Variants in SEMA4G observed in about 807,000 individuals in gnomAD.
SEMA4G encodes semaphorin-4G.
Under a neutral mutation model 81.2 loss-of-function variants are expected in SEMA4G, and 59 were observed. The observed-to-expected ratio is 0.73, with a 90% CI of 0.59 to 0.90. The LOEUF (loss-of-function observed/expected upper bound fraction) is 0.90, where lower values mean the gene tolerates loss of function less well. Among genes scored for constraint, SEMA4G ranks in the 40% least tolerant of loss-of-function variants. The pLI, the probability that SEMA4G is intolerant of heterozygous loss-of-function variation, is 0.00. For missense variants in SEMA4G, 952 were observed against 1,102.3 expected, an observed-to-expected ratio of 0.86 and a Z score of 1.93; for synonymous variants, 404 against 433.9, an observed-to-expected ratio of 0.93 and a Z score of 0.86.
chr10:100,984,476 T>C, exon 14 of SEMA4G: 1 of 1,530,362 alleles, frequency 6.5e-7, no homozygotes, highest in Non-Finnish European at 8.7e-7. Flanking sequence ...CCAAACCCTT[T>C]CTCTTTCTCC....
chr10:100,980,551 T>C (rs1349546667), intron 10 of SEMA4G, 27 bp from the exon 12 acceptor site: 11 of 1,587,572 alleles, frequency 6.9e-6, no homozygotes, highest in Middle Eastern at 1.7e-4. Flanking sequence ...ATAGTTGGGG[T>C]CTAACTCTCT....
intron 3 of SEMA4G, among the ~76,000 whole-genome samples, chr10:100,976,020 G>A (rs191295772): frequency 1.3e-5 from 2 of 152,304 alleles, no homozygotes; most frequent in Admixed American, 6.5e-5. Context: ...GAAAAGCAGT[G>A]AGGAGGCTGG....
At chr10:100,972,874 C>G (rs1224898784) in exon 1 of SEMA4G, 1 of 1,577,230 alleles carries the variant, frequency 6.3e-7, no homozygotes, top group Non-Finnish European at 8.6e-7. Flanking sequence ...GACTCTGGCT[C>G]CCTTTGGGGG....
rs1056746530 is a variant in SEMA4G, at chr10:100,973,266, G to A, written c.262G>A (p.Ala88Thr). The A allele has an allele frequency of 6.2e-7, 1 of 1,612,980 alleles. No individual in the cohort carries two copies. Among genetic ancestry groups the A allele is most frequent in the Non-Finnish European group, 8.5e-7 (1 of 1,180,018 alleles). The change falls in exon 2 of 14, where the codon GCT becomes ACT. Residue 88 changes from alanine (A) to threonine (T), a missense_variant. Transcript: ENST00000370250. The surrounding 1 kb of genome is among the most constrained non-coding windows in gnomAD (Gnocchi z 5.5). ...CAGTGCCAACGACATAGGAGATGGG[G>A]CTCACAAAGAGGTCAGGCCCTGGAA...
At chr10:100,970,003 A>G, upstream of SEMA4G, 1 of 419,524 alleles carries the variant, frequency 2.4e-6, no homozygotes, top group Non-Finnish European at 5.0e-6. Flanking sequence ...GGGCTCTCTC[A>G]AGCCAGGAGA....
exon 14 of SEMA4G, chr10:100,984,035 A>T: frequency 6.2e-7 from 1 of 1,613,650 alleles, no homozygotes. Flanking sequence ...ATGGAGTACC[A>T]GCAGGGCCCT....
chr10:100,984,188 C>T (rs1003167771), exon 14 of SEMA4G: 5 of 1,541,332 alleles, frequency 3.2e-6, no homozygotes, highest in Non-Finnish European at 3.5e-6. Flanking sequence ...CCAGGCTGGG[C>T]CACTGCCTCC....
exon 14 of SEMA4G, chr10:100,983,475 G>C: frequency 6.2e-7 from 1 of 1,614,206 alleles, no homozygotes; most frequent in East Asian, 2.2e-5. Flanking sequence ...GCTGGTTACA[G>C]ATGCACAGCC....
exon 14 of SEMA4G, chr10:100,983,754 C>T (rs1274190195): frequency 6.2e-7 from 1 of 1,612,254 alleles, no homozygotes; most frequent in East Asian, 2.2e-5. Flanking sequence ...GAAATACTCA[C>T]TGGGTCGGGC....
chr10:100,981,212 A>T lies in SEMA4G; in HGVS notation c.1673A>T (p.Glu558Val), dbSNP rs746282456. The T allele has an allele frequency of 1.2e-6, 2 of 1,614,234 alleles. No individual in the cohort carries two copies. Among genetic ancestry groups the T allele is most frequent in the Admixed American group, 1.7e-5 (1 of 60,030 alleles). ...ATAGAGAGAGGAAATCGAGGCTGTG[A>T]GAGCAGCAGGGATACAGGTAAGTGA... The change falls in exon 13 of 14, where the codon GAG becomes GTG. Residue 558 changes from glutamate (E) to valine (V), a missense_variant. Glu to Val is a moderately radical substitution (Grantham distance 121). Coordinates refer to ENST00000370250, the Ensembl canonical transcript of SEMA4G.
At chr10:100,979,539 C>T (rs147036283) in intron 8 of SEMA4G, among the ~76,000 whole-genome samples, 2,828 of 152,130 alleles carry the variant, frequency 0.019, 82 homozygotes, top group African/African-American at 0.061. Flanking sequence ...TGTGCCACCA[C>T]GCCTGGCTAA....
chr10:100,984,759 G>A (rs766759551), exon 14 of SEMA4G: 4 of 1,535,948 alleles, frequency 2.6e-6, no homozygotes, highest in Non-Finnish European at 3.5e-6. Flanking sequence ...AGCCCCATGT[G>A]GTGACCTCTT....
At chr10:100,976,753 A>G (rs1460422867) in intron 3 of SEMA4G, among the ~76,000 whole-genome samples, 1 of 152,246 alleles carries the variant, frequency 6.6e-6, no homozygotes, top group Non-Finnish European at 1.5e-5. Context: ...GCAACCTGGG[A>G]GACAGGGATA....
chr10:100,984,425 C>T, exon 14 of SEMA4G: 1 of 1,485,552 alleles, frequency 6.7e-7, no homozygotes, highest in African/African-American at 1.4e-5. Context: ...AACCTAAACA[C>T]TTATAGGTGA....
chr10:100,980,442 C>T, intron 10 of SEMA4G, 98 bp downstream of exon 11: 1 of 1,380,792 alleles, frequency 7.2e-7, no homozygotes, highest in Non-Finnish European at 1.0e-6. Context: ...TTCCCAGTGT[C>T]CTGAGGGTCC....
upstream of SEMA4G, chr10:100,969,725 G>A (rs995081032): frequency 1.8e-5 from 7 of 387,602 alleles, no homozygotes; most frequent in Admixed American, 1.1e-4. Flanking sequence ...CAAGTCCCCC[G>A]GTCCTGCATG....
chr10:100,973,579 CA>C lies in SEMA4G; in HGVS notation c.309del (p.Lys103AsnfsTer101), dbSNP rs1457139894. ...GGGAAGCCTCCCCAGAGATGCAAAG[CA>C]AATGTCATCAAAAAGGGAAAAACAA... On this transcript the variant is annotated frameshift_variant, in exon 3 of 14. Coordinates refer to ENST00000370250, the Ensembl canonical transcript of SEMA4G. LOFTEE classifies it high-confidence loss of function. The surrounding 1 kb of genome is among the most constrained non-coding windows in gnomAD (Gnocchi z 5.5). The C allele has an allele frequency of 6.2e-7, 1 of 1,614,172 alleles. No individual in the cohort carries two copies. Among genetic ancestry groups the C allele is most frequent in the Non-Finnish European group, 8.5e-7 (1 of 1,180,036 alleles).
intron 3 of SEMA4G, among the ~76,000 whole-genome samples, chr10:100,976,787 C>T (rs1199294943): frequency 1.3e-5 from 2 of 152,206 alleles, no homozygotes; most frequent in South Asian, 4.1e-4. Context: ...CTGTTTATAA[C>T]ATACCCCTTT....
chr10:100,972,856 C>T (rs944394849), exon 1 of SEMA4G: 2 of 1,559,240 alleles, frequency 1.3e-6, no homozygotes, highest in East Asian at 2.2e-5. Flanking sequence ...CCCGCCCCCA[C>T]AACCTGTGAC....
Sources: allele counts gnomAD v4.1 joint callset (sites outside exome capture counted in the v4.1 genomes callset), GRCh38; gene constraint gnomAD v4.1.1; non-coding constraint Gnocchi (gnomAD v3.1); transcripts MANE v1.5; gene names NCBI Gene and HGNC (gene_info 2026-07-23, HGNC 2026-07-21).